BAZ1A: variants seen among roughly 807,000 people sequenced by gnomAD.
BAZ1A encodes the protein bromodomain adjacent to zinc finger domain 1A.
In BAZ1A, 50 loss-of-function variants were observed where a neutral mutation model predicts 185.2. That is an observed-to-expected ratio of 0.27 (90% CI 0.22 to 0.34). The LOEUF is 0.34. Ranked by LOEUF, BAZ1A falls within the 10% of genes least tolerant of loss-of-function variation. The pLI is 1.00. For missense variants in BAZ1A, 1,356 were observed against 1,839.9 expected, an observed-to-expected ratio of 0.74 and a Z score of 4.81; for synonymous variants, 571 against 615.6, an observed-to-expected ratio of 0.93 and a Z score of 1.07.
intron 9 of BAZ1A, among the ~76,000 whole-genome samples, chr14:34,798,667 A>G (rs191915975): frequency 2.4e-4 from 37 of 152,340 alleles, no homozygotes; most frequent in Non-Finnish European, 2.2e-4. Context: ...AGAAATGCAA[A>G]TCAAAACCAT....
chr14:34,773,398 C>CA (rs1354272909), intron 20 of BAZ1A, among the ~76,000 whole-genome samples, 174 bp downstream of exon 20: 2 of 149,836 alleles, frequency 1.3e-5, no homozygotes, highest in Non-Finnish European at 2.9e-5. Flanking sequence ...AGTGGAGTAA[C>CA]AGAGATCCTG....
In BAZ1A at chr14:34,780,309, C is replaced by T. The variant is rs1206922460; in HGVS notation, c.2113G>A (p.Glu705Lys). Reference sequence around the variant, plus strand: ...GTATCAAAATCTTCCCTTTCTTCCTCCCTTTAGGATAAAAACAAAGATGAC... The same window carrying T: ...GTATCAAAATCTTCCCTTTCTTCCTTCCTTTAGGATAAAAACAAAGATGAC... Reference protein sequence around the residue: ...RNSTADISIGEEEREDFDTSI... With the variant: ...RNSTADISIGKEEREDFDTSI... The change falls in exon 17 of 27, where the codon GAG becomes AAG. Residue 705 changes from glutamate (E) to lysine (K), a missense_variant and splice_region_variant. Transcript: ENST00000360310. 6.2e-7 allele frequency: 1 copy of T among 1,608,524 alleles called. No homozygotes were observed. Among genetic ancestry groups the T allele is most frequent in the Non-Finnish European group, 8.5e-7 (1 of 1,178,196 alleles).
At chr14:34,777,233 A>G (rs189138977) in intron 17 of BAZ1A, among the ~76,000 whole-genome samples, 1 of 152,266 alleles carries the variant, frequency 6.6e-6, no homozygotes, top group Non-Finnish European at 1.5e-5. Flanking sequence ...CACAGGCAAC[A>G]TGCAGACAAT....
Position 34,874,965 on chromosome 14 carries a change from C to A in BAZ1A, c.-59+173G>T, listed in dbSNP as rs1028724592. 6.6e-6 allele frequency: 1 copy of A among 150,506 alleles called. No homozygotes were observed. The highest frequency in any genetic ancestry group is 2.1e-4 in the South Asian group (1 of 4,796). The allele number at this position is 150,506 out of a possible 1,614,324, so 9.3% of individuals were successfully genotyped here. A position where few individuals can be genotyped will look rare whatever the true frequency, so the allele number is the denominator to read the frequency against. ...GCGGCCCCCTCCCCCAGCGCCGGCTCCTCGCCCGCCGCCGCCGCCAGGCTC... is the reference window on the plus strand; with the variant it reads ...GCGGCCCCCTCCCCCAGCGCCGGCTACTCGCCCGCCGCCGCCGCCAGGCTC... On this transcript the variant is annotated intron_variant, in intron 1 of 26. Coordinates refer to ENST00000360310, the MANE Select transcript of BAZ1A (RefSeq NM_013448.3). This position sits in a 1 kb window ranked among gnomAD's most constrained non-coding sequence, Gnocchi z 4.7.
intron 9 of BAZ1A, among the ~76,000 whole-genome samples, chr14:34,797,764 C>T (rs969443533): frequency 6.6e-6 from 1 of 152,192 alleles, no homozygotes; most frequent in African/African-American, 2.4e-5. Context: ...GTGATTTCTG[C>T]ATTTCCAACT....
At position 34,874,950 on chromosome 14, in the gene BAZ1A, C is replaced by CCCCCGGCGGCGGCCCCCT. The variant is rs1273148400; in HGVS notation, c.-59+187_-59+188insAGGGGGCCGCCGCCGGGG. 3 of 151,956 alleles carry CCCCCGGCGGCGGCCCCCT rather than the reference C, an allele frequency of 2.0e-5. No homozygotes were observed. Among genetic ancestry groups the CCCCCGGCGGCGGCCCCCT allele is most frequent in the Non-Finnish European group, 4.4e-5 (3 of 68,674 alleles). The allele number at this position is 151,956 out of a possible 1,614,324, so 9.4% of individuals were successfully genotyped here. A position where few individuals can be genotyped will look rare whatever the true frequency, so the allele number is the denominator to read the frequency against. ...AGTGCGGGAGCGGCGGCGGCCCCCT[C>CCCCCGGCGGCGGCCCCCT]CCCCAGCGCCGGCTCCTCGCCCGCC... On this transcript the variant is annotated intron_variant, in intron 1 of 26. Transcript: ENST00000360310. This position sits in a 1 kb window ranked among gnomAD's most constrained non-coding sequence, Gnocchi z 4.7.
chr14:34,853,155 A>G (rs147744940), intron 3 of BAZ1A, among the ~76,000 whole-genome samples: 4 of 152,342 alleles, frequency 2.6e-5, no homozygotes, highest in Non-Finnish European at 5.9e-5. Flanking sequence ...ACATCTGGTA[A>G]GTATTTAAGA....
intron 2 of BAZ1A, among the ~76,000 whole-genome samples, chr14:34,863,652 T>C (rs1260366657): frequency 6.6e-6 from 1 of 152,040 alleles, no homozygotes. Context: ...CACAGAAAGA[T>C]TTCTAAGACA....
intron 11 of BAZ1A, 54 bp downstream of exon 11, chr14:34,794,695 G>C: frequency 1.3e-6 from 2 of 1,554,942 alleles, no homozygotes; most frequent in Non-Finnish European, 8.7e-7. Flanking sequence ...TTTTTTTAAA[G>C]CCACTAATTT....
At chr14:34,783,707 A>T (rs1880207981) in intron 15 of BAZ1A, 55 bp downstream of exon 15, 2 of 1,564,628 alleles carry the variant, frequency 1.3e-6, no homozygotes, top group Admixed American at 3.9e-5. Flanking sequence ...ATATGGTTTT[A>T]AATGCAAAGA....
chr14:34,771,267 G>A, intron 21 of BAZ1A: 1 of 346,988 alleles, frequency 2.9e-6, no homozygotes, highest in East Asian at 5.5e-5. Context: ...CCAAAGTGTT[G>A]GGATTACAGG....
At chr14:34,809,303 T>C (rs1243755346) in intron 5 of BAZ1A, among the ~76,000 whole-genome samples, 3 of 152,192 alleles carry the variant, frequency 2.0e-5, no homozygotes, top group Non-Finnish European at 4.4e-5. Flanking sequence ...AGGTAATTAC[T>C]TGTTGACTAC....
chr14:34,784,911 C>T (rs112015633), intron 14 of BAZ1A, among the ~76,000 whole-genome samples: 264 of 152,116 alleles, frequency 1.7e-3, no homozygotes, highest in Non-Finnish European at 3.1e-3. Context: ...GGCTGGAGTA[C>T]AGTGGCACCA....
chr14:34,756,409 C>CTGG (rs947148204), intron 25 of BAZ1A, among the ~76,000 whole-genome samples: 15 of 138,120 alleles, frequency 1.1e-4, no homozygotes, highest in Non-Finnish European at 2.1e-4. Context: ...GCCACTGTGC[C>CTGG]TGGCCCTAAA....
intron 3 of BAZ1A, among the ~76,000 whole-genome samples, chr14:34,858,739 AAAAT>A (rs1229658885): frequency 1.6e-4 from 25 of 151,974 alleles, no homozygotes; most frequent in East Asian, 1.3e-3. Context: ...GGGGAGGCAA[AAAAT>A]AAATAAATTT....
intron 2 of BAZ1A, among the ~76,000 whole-genome samples, chr14:34,863,718 T>C (rs536726116): frequency 6.6e-6 from 1 of 152,174 alleles, no homozygotes; most frequent in Non-Finnish European, 1.5e-5. Flanking sequence ...ACATTAATTA[T>C]AATAATCACA....
At chr14:34,771,305 CT>C in intron 21 of BAZ1A, 1 of 525,500 alleles carries the variant, frequency 1.9e-6, no homozygotes, top group Non-Finnish European at 3.2e-6. Flanking sequence ...AGCTGGTAAT[CT>C]TTCTTTTGAT....
chr14:34,854,634 T>C (rs1275481726), intron 3 of BAZ1A, among the ~76,000 whole-genome samples: 2 of 152,180 alleles, frequency 1.3e-5, no homozygotes, highest in Admixed American at 1.3e-4. Context: ...TACATACATA[T>C]ACATTTTCAT....
At chr14:34,872,554 T>C (rs1300065037) in intron 2 of BAZ1A, among the ~76,000 whole-genome samples, 1 of 152,262 alleles carries the variant, frequency 6.6e-6, no homozygotes, top group African/African-American at 2.4e-5. Flanking sequence ...TGAGCCAAGA[T>C]TGTGCCACTG....
Sources: gnomAD v4.1 joint callset for allele counts (sites outside exome capture counted in the v4.1 genomes callset) on GRCh38, gnomAD v4.1.1 for gene constraint, Gnocchi (gnomAD v3.1) non-coding constraint, MANE v1.5 for transcripts, NCBI Gene and HGNC (gene_info 2026-07-23, HGNC 2026-07-21) for gene names.